Variants in XXYLT1 observed in about 807,000 individuals in gnomAD.
XXYLT1 encodes UDP-xylose:alpha-xyloside alpha-1,3-xylosyltransferase.
XXYLT1 carries 20 observed loss-of-function variants against 28.9 expected under a neutral mutation model. The ratio of observed to expected loss-of-function variants is 0.69; its 90% CI spans 0.49 to 1.00. The LOEUF (loss-of-function observed/expected upper bound fraction) is 1.00, where lower values mean the gene tolerates loss of function less well. XXYLT1 is among the 50% of genes least tolerant of loss of function. XXYLT1 has a pLI of 0.00. For synonymous variants in XXYLT1, 257 were observed against 253.8 expected, an observed-to-expected ratio of 1.01 and a Z score of -0.12; for missense variants, 542 against 560.1, an observed-to-expected ratio of 0.97 and a Z score of 0.33.
At chr3:195,181,424 T>A (rs1039838665) in intron 2 of XXYLT1, among the ~76,000 whole-genome samples, 2 of 152,238 alleles carry the variant, frequency 1.3e-5, no homozygotes, top group Non-Finnish European at 2.9e-5. Flanking sequence ...TTTTTCACCT[T>A]TGTGTCATTT....
chr3:195,084,257 C>T (rs1715600574), intron 3 of XXYLT1, among the ~76,000 whole-genome samples: 2 of 152,116 alleles, frequency 1.3e-5, no homozygotes, highest in Admixed American at 1.3e-4. Context: ...AGGCCAGTTC[C>T]AACCACAGAG....
At position 195,068,661 on chromosome 3, in the gene XXYLT1, G is replaced by A. The variant is rs1714634678; in HGVS notation, c.*1054C>T. ...TGCAGTGGTGTGATCACAGCTCAGT[G>A]CAGTGAACTCCTGGACTCAAGCCAC... On this transcript the variant is annotated 3_prime_UTR_variant, in exon 4 of 4. Transcript: ENST00000310380. The A allele has an allele frequency of 1.3e-5, 2 of 150,596 alleles. No individual in the cohort carries two copies. Among genetic ancestry groups the A allele is most frequent in the South Asian group, 4.2e-4 (2 of 4,770 alleles). 9.3% of individuals were successfully genotyped at this position (150,596 alleles called of 1,614,324 possible).
chr3:195,114,230 G>A (rs1717927302), intron 3 of XXYLT1, among the ~76,000 whole-genome samples: 1 of 152,224 alleles, frequency 6.6e-6, no homozygotes, highest in Admixed American at 6.5e-5. Flanking sequence ...TGCATTGGGT[G>A]GCCCCCTTCT....
Position 195,076,661 on chromosome 3 carries a change from A to T in XXYLT1, c.786-6550T>A, listed in dbSNP as rs188170200. ...GGAAGTCCAAGATCACAGTGCTGGC[A>T]GCTGGCTCTGTCTGGGCTAGGAGGG... On this transcript the variant is annotated intron_variant, in intron 3 of 3. Transcript: ENST00000310380. The surrounding 1 kb of genome is among the most constrained non-coding windows in gnomAD (Gnocchi z 5.3). Among the ~76,000 whole-genome samples the T allele has an allele frequency of 2.0e-3, 309 of 152,280 alleles. 1 individual carries two copies. The highest frequency in any genetic ancestry group is 3.5e-3 in the Non-Finnish European group (240 of 68,014).
At chr3:195,268,713 G>A (rs1385290776) in intron 1 of XXYLT1, among the ~76,000 whole-genome samples, 1 of 152,160 alleles carries the variant, frequency 6.6e-6, no homozygotes, top group African/African-American at 2.4e-5. Context: ...CCCCTCAACA[G>A]AGGAGGTATC....
Position 195,257,511 on chromosome 3 carries a change from G to A in XXYLT1, c.504+13044C>T, listed in dbSNP as rs945892086. Among the ~76,000 whole-genome samples the A allele has an allele frequency of 3.3e-5, 5 of 152,168 alleles. No individual in the cohort carries two copies. Among genetic ancestry groups the A allele is most frequent in the Non-Finnish European group, 5.9e-5 (4 of 68,032 alleles). On this transcript the variant is annotated intron_variant, in intron 1 of 3. Transcript: ENST00000310380. The surrounding 1 kb of genome is among the most constrained non-coding windows in gnomAD (Gnocchi z 4.3). ...TGAAGATGGGAGGAATGGGTGATCC[G>A]GGGAAGAAGCCCCTGAGCAAAGTCC...
chr3:195,069,724 C>T lies in XXYLT1; in HGVS notation c.1173G>A (p.Pro391=), dbSNP rs370582363. 1.1e-5 allele frequency: 17 copies of T among 1,611,748 alleles called. No individual in the cohort carries two copies. The highest frequency in any genetic ancestry group is 5.3e-5 in the African/African-American group (4 of 74,920). Residue 391 remains proline (P), a synonymous_variant, in exon 4 of 4, where the codon CCG becomes CCA. Transcript: ENST00000310380. ...IYHGNCNTPI[P]ED is the part of the protein sequence containing the mutation. ...AAGGCACGGGGAGCGCCTAGTCCTC[C>T]GGGATGGGAGTGTTGCAGTTCCCGT... is the stretch of plus-strand genomic sequence containing the variant.
In XXYLT1 at chr3:195,270,827, C is replaced by G. The variant is rs369979304; in HGVS notation, c.232G>C (p.Val78Leu). The G allele has an allele frequency of 4.9e-5, 72 of 1,471,642 alleles. No homozygotes were observed. The Middle Eastern group carries it at 1.0e-3, about 21-fold the overall frequency. 91.2% of individuals were successfully genotyped at this position (1,471,642 alleles called of 1,614,324 possible). Residue 78 changes from valine (V) to leucine (L), a missense_variant, in exon 1 of 4, where the codon GTG becomes CTG. Physicochemically the swap from Val to Leu is conservative, Grantham distance 32 (BLOSUM62 1). Coordinates refer to ENST00000310380, the MANE Select transcript of XXYLT1 (RefSeq NM_152531.5). ...GCCTTCGCGCCGGGGGCTGGCGCCACGGAGCCCCGCGCTAGCTCCAGCGCG... is the reference window on the plus strand; with the variant it reads ...GCCTTCGCGCCGGGGGCTGGCGCCAGGGAGCCCCGCGCTAGCTCCAGCGCG... ...PPALELARGS[V>L]APAPGAKAKS...
rs529315510 is a variant in XXYLT1, at chr3:195,144,415, C to A, written c.785+12034G>T. ...TTTTTGAGACACAGTCTTGCCCTAT[C>A]GCCCAGGCTGGAATGCAATGGTGCA... is the stretch of plus-strand genomic sequence containing the variant. On this transcript the variant is annotated intron_variant, in intron 3 of 3. Transcript: ENST00000310380. 2.6e-5 allele frequency among the ~76,000 whole-genome samples: 4 copies of A among 152,072 alleles called. No homozygotes were observed. The South Asian group carries it at 6.2e-4, about 24-fold the overall frequency.
At chr3:195,182,197 T>C (rs1178397634) in intron 2 of XXYLT1, among the ~76,000 whole-genome samples, 2 of 152,160 alleles carry the variant, frequency 1.3e-5, no homozygotes, top group Non-Finnish European at 2.9e-5. Flanking sequence ...GCCTTTAAGA[T>C]GGGAAACTAC....
At position 195,115,180 on chromosome 3, in the gene XXYLT1, G is replaced by C. The variant is rs1404663873; in HGVS notation, c.785+41269C>G. ...GACTCGGGAACTAGTGTGCTCACAT[G>C]AGACGTGCCCGGTGAGAATGTGGCT... is the stretch of plus-strand genomic sequence containing the variant. On this transcript the variant is annotated intron_variant, in intron 3 of 3. Coordinates refer to ENST00000310380, the MANE Select transcript of XXYLT1 (RefSeq NM_152531.5). The surrounding 1 kb of genome is among the most constrained non-coding windows in gnomAD (Gnocchi z 4.2). Among the ~76,000 whole-genome samples, 1 of 152,230 alleles carries C rather than the reference G, an allele frequency of 6.6e-6. No individual in the cohort carries two copies. The highest frequency in any genetic ancestry group is 2.4e-5 in the African/African-American group (1 of 41,452).
intron 2 of XXYLT1, among the ~76,000 whole-genome samples, chr3:195,222,063 T>C (rs1337498085): frequency 2.0e-5 from 3 of 152,188 alleles, no homozygotes; most frequent in African/African-American, 7.2e-5. Flanking sequence ...GCAAAACTCA[T>C]GGGTTTGACC....
chr3:195,130,307 C>A (rs867148855), intron 3 of XXYLT1, among the ~76,000 whole-genome samples: 1 of 152,172 alleles, frequency 6.6e-6, no homozygotes, highest in African/African-American at 2.4e-5. Flanking sequence ...AATGATCACA[C>A]TCAGTAGACA....
rs1714672303 is a variant in XXYLT1 at position 195,069,535 on chromosome 3, CCAGTCCTTGGCGGGTGGCCTCAGCA to C, written c.*155_*179del. ...GTCCCAAGCACCAGCAGTGCACAGG[CCAGTCCTTGGCGGGTGGCCTCAGCA>C]CAGTGACCTGCCCGGCAGGAGGTCT... On this transcript the variant is annotated 3_prime_UTR_variant, in exon 4 of 4. Transcript: ENST00000310380. 1 of 835,658 alleles carries C rather than the reference CCAGTCCTTGGCGGGTGGCCTCAGCA, an allele frequency of 1.2e-6. No individual in the cohort carries two copies. The highest frequency in any genetic ancestry group is 1.8e-6 in the Non-Finnish European group (1 of 544,144). The allele number at this position is 835,658 out of a possible 1,614,324, so 51.8% of individuals were successfully genotyped here. A position where few individuals can be genotyped will look rare whatever the true frequency, so the allele number is the denominator to read the frequency against.
chr3:195,237,208 A>G (rs1724587102), intron 1 of XXYLT1, among the ~76,000 whole-genome samples: 1 of 152,166 alleles, frequency 6.6e-6, no homozygotes, highest in African/African-American at 2.4e-5. Context: ...AGAACCCAGA[A>G]CACTTTAACC....
chr3:195,253,348 G>A (rs1212365815), intron 1 of XXYLT1, among the ~76,000 whole-genome samples: 1 of 152,052 alleles, frequency 6.6e-6, no homozygotes, highest in East Asian at 1.9e-4. Flanking sequence ...GAGGCGAAGC[G>A]GCAAGATCCC....
chr3:195,232,828 G>A (rs1724358474), intron 1 of XXYLT1, among the ~76,000 whole-genome samples: 1 of 152,198 alleles, frequency 6.6e-6, no homozygotes, highest in Admixed American at 6.5e-5. Context: ...TGATCCATGT[G>A]CTGAGCAGAA....
At chr3:195,162,993 G>GTT (rs772544730) in intron 2 of XXYLT1, among the ~76,000 whole-genome samples, 16 of 151,978 alleles carry the variant, frequency 1.1e-4, no homozygotes, top group African/African-American at 3.4e-4. Flanking sequence ...ATAAGTTTTT[G>GTT]GTTTTTTTTT....
At chr3:195,156,350 C>A in intron 3 of XXYLT1, 99 bp downstream of exon 3, 4 of 1,535,548 alleles carry the variant, frequency 2.6e-6, no homozygotes, top group South Asian at 1.3e-5. Flanking sequence ...GCAGAAGGAT[C>A]GGACGCCACT....
Sources: gnomAD v4.1 joint callset for allele counts (sites outside exome capture counted in the v4.1 genomes callset) on GRCh38, gnomAD v4.1.1 for gene constraint, Gnocchi (gnomAD v3.1) non-coding constraint, MANE v1.5 for transcripts, NCBI Gene and HGNC (gene_info 2026-07-23, HGNC 2026-07-21) for gene names.